The following STK33 variants were observed in gnomAD, a reference collection of about 807,000 sequenced individuals.
The protein encoded by STK33 is serine/threonine-protein kinase 33.
A neutral mutation model predicts 58.0 loss-of-function variants in STK33; 52 were observed. The ratio of observed to expected loss-of-function variants is 0.90; its 90% CI spans 0.72 to 1.13. The LOEUF (loss-of-function observed/expected upper bound fraction) is 1.13. Among genes scored for constraint, STK33 ranks in the 50% most tolerant of loss-of-function variants. STK33 has a pLI of 0.00. For synonymous variants in STK33, 215 were observed against 200.1 expected, an observed-to-expected ratio of 1.07 and a Z score of -0.63; for missense variants, 630 against 604.2, an observed-to-expected ratio of 1.04 and a Z score of -0.45.
chr11:8,465,049 A>C, intron 6 of STK33: 1 of 323,528 alleles, frequency 3.1e-6, no homozygotes, highest in Non-Finnish European at 5.6e-6. Flanking sequence ...AAACCATAAA[A>C]ATCCTAATGG....
intron 15 of STK33, among the ~76,000 whole-genome samples, chr11:8,395,578 T>C (rs770788019): frequency 9.2e-5 from 14 of 152,246 alleles, no homozygotes; most frequent in Non-Finnish European, 1.8e-4. Flanking sequence ...CTTTTACACC[T>C]TGACTTTTTT....
intron 5 of STK33, among the ~76,000 whole-genome samples, chr11:8,474,237 T>G (rs904016173): frequency 4.6e-5 from 7 of 152,126 alleles, no homozygotes; most frequent in Non-Finnish European, 8.8e-5. Context: ...AGATTATTTG[T>G]AACTAATGCA....
At chr11:8,388,561 T>C (rs1287871157), downstream of STK33, among the ~76,000 whole-genome samples, 1 of 152,224 alleles carries the variant, frequency 6.6e-6, no homozygotes, top group East Asian at 1.9e-4. Flanking sequence ...ACTTTTACCT[T>C]AAAATGCTTT....
chr11:8,394,880 T>C (rs1849072657), intron 15 of STK33, among the ~76,000 whole-genome samples: 1 of 152,206 alleles, frequency 6.6e-6, no homozygotes, highest in Non-Finnish European at 1.5e-5. Context: ...TAATTTTAGT[T>C]ATTTATTTCT....
At position 8,436,074 on chromosome 11, in the gene STK33, C is replaced by A; in HGVS notation, c.1013G>T (p.Gly338Val). 6.3e-7 allele frequency: 1 copy of A among 1,596,862 alleles called. No homozygotes were observed. Among genetic ancestry groups the A allele is most frequent in the Non-Finnish European group, 8.5e-7 (1 of 1,171,512 alleles). ...GACTGCATTTTCAAAATGTAGTTCT[C>A]CTTTTCTTATTAACTCAAAAAGCTT... is the stretch of plus-strand genomic sequence containing the variant. ...EEKLFELIRK[G>V]ELHFENAVWN... The change falls in exon 13 of 16, where the codon GGA becomes GTA. Residue 338 changes from glycine to valine, a missense_variant. Transcript: ENST00000687296.
At chr11:8,345,456 G>A in the STK33 span, among the ~76,000 whole-genome samples, 7 of 152,268 alleles carry the variant, frequency 4.6e-5, no homozygotes, top group Admixed American at 6.5e-5. Flanking sequence ...CCAAGGCCTA[G>A]GCAGGATGCC....
the STK33 span, among the ~76,000 whole-genome samples, chr11:8,341,556 A>C: frequency 5.3e-5 from 8 of 152,228 alleles, no homozygotes; most frequent in Non-Finnish European, 1.2e-4. Flanking sequence ...ATATGCCCTC[A>C]AAGTTTTACT....
At chr11:8,344,283 G>A in the STK33 span, among the ~76,000 whole-genome samples, 1 of 151,794 alleles carries the variant, frequency 6.6e-6, no homozygotes, top group Non-Finnish European at 1.5e-5. Context: ...TCAGGAGGCT[G>A]AGCCAGGAGG....
At chr11:8,461,739 G>A (rs2137283934) in intron 8 of STK33, 66 bp downstream of exon 8, 2 of 1,285,352 alleles carry the variant, frequency 1.6e-6, no homozygotes, top group Non-Finnish European at 1.1e-6. Flanking sequence ...GATTATTTCA[G>A]AATGGAATGA....
At chr11:8,558,675 C>A (rs1415331143) in intron 1 of STK33, among the ~76,000 whole-genome samples, 1 of 152,058 alleles carries the variant, frequency 6.6e-6, no homozygotes, top group Non-Finnish European at 1.5e-5. Flanking sequence ...GGTAGATATT[C>A]CAGGTATGTA....
intron 1 of STK33, among the ~76,000 whole-genome samples, chr11:8,509,953 G>A (rs1397828929): frequency 6.6e-6 from 1 of 152,174 alleles, no homozygotes; most frequent in Non-Finnish European, 1.5e-5. Context: ...TAAGAATTAT[G>A]CTGCTATAAA....
chr11:8,537,869 G>A lies in STK33; in HGVS notation c.-466+56214C>T, dbSNP rs1372590146. On this transcript the variant is annotated intron_variant, in intron 1 of 15. Transcript: ENST00000687296. ...TAAATAAAATGGATAAGTAACTAAT[G>A]AATCAGAAGTTTTCTTGAGTAAAAA... 4.7e-5 allele frequency among the ~76,000 whole-genome samples: 7 copies of A among 149,456 alleles called. No homozygotes were observed. The Admixed American group carries it at 4.7e-4, about 10-fold the overall frequency.
intron 6 of STK33, chr11:8,465,574 A>G (rs1288473404): frequency 6.6e-6 from 1 of 152,130 alleles, no homozygotes; most frequent in Non-Finnish European, 1.5e-5. Context: ...GTTTTGGGGG[A>G]GTCAGTCTCC....
At chr11:8,509,312 C>T (rs892901203) in intron 1 of STK33, among the ~76,000 whole-genome samples, 2 of 152,084 alleles carry the variant, frequency 1.3e-5, no homozygotes, top group Non-Finnish European at 2.9e-5. Context: ...GACTCCCATT[C>T]TATAACTTTG....
intron 1 of STK33, chr11:8,593,857 CG>C (rs376182875): frequency 6.6e-6 from 1 of 152,456 alleles, no homozygotes; most frequent in Non-Finnish European, 1.5e-5. Flanking sequence ...ATACCGGACC[CG>C]GGGGAAATGG....
chr11:8,518,553 G>A (rs955097339), intron 1 of STK33, among the ~76,000 whole-genome samples: 8 of 152,132 alleles, frequency 5.3e-5, no homozygotes, highest in African/African-American at 7.2e-5. Context: ...CTGGCAAATT[G>A]GATAGAGTCA....
At chr11:8,444,497 T>G (rs1945162781) in intron 11 of STK33, among the ~76,000 whole-genome samples, 1 of 152,138 alleles carries the variant, frequency 6.6e-6, no homozygotes, top group South Asian at 2.1e-4. Context: ...TGTCTGACAC[T>G]AAGTAGGTCC....
chr11:8,450,355 A>G lies in STK33; in HGVS notation c.871+2467T>C, dbSNP rs528076847. On this transcript the variant is annotated intron_variant, in intron 11 of 15. Coordinates refer to ENST00000687296, the MANE Select transcript of STK33 (RefSeq NM_001352389.2). ...CTCACTTATAAGTGGGAGTTGAACA[A>G]TGAGAACACATGGACACAGGGAGGC... Among the ~76,000 whole-genome samples, 16 of 152,208 alleles carry G rather than the reference A, an allele frequency of 1.1e-4. No individual in the cohort carries two copies. In the South Asian group the frequency reaches 2.7e-3, roughly 26 times the overall value.
chr11:8,357,293 G>A, the STK33 span, among the ~76,000 whole-genome samples: 1 of 152,270 alleles, frequency 6.6e-6, no homozygotes, highest in Admixed American at 6.5e-5. Context: ...CCCCCGCAAT[G>A]AGTGTTTGTG....
Sources: allele counts gnomAD v4.1 joint callset (sites outside exome capture counted in the v4.1 genomes callset), GRCh38; gene constraint gnomAD v4.1.1; transcripts MANE v1.5; gene names NCBI Gene and HGNC (gene_info 2026-07-23, HGNC 2026-07-21).